The following CNMD variants were observed in gnomAD, a reference collection of about 807,000 sequenced individuals.
CNMD encodes the protein chondromodulin.
In CNMD, 30 loss-of-function variants were observed where a neutral mutation model predicts 37.5. That is an observed-to-expected ratio of 0.80 (90% CI 0.60 to 1.09). The LOEUF (loss-of-function observed/expected upper bound fraction) is 1.09, where lower values mean the gene tolerates loss of function less well. Among genes scored for constraint, CNMD ranks in the 50% least tolerant of loss-of-function variants. The probability of loss-of-function intolerance (pLI) is 0.00; values close to 1 mark genes in which losing one functional copy is unlikely to be tolerated. For synonymous variants in CNMD, 167 were observed against 148.2 expected (o/e 1.13, Z -0.92); for missense variants, 398 against 423.9 (o/e 0.94, Z 0.54).
In CNMD at chr13:52,703,529, T is replaced by G. The variant is rs1964120046; in HGVS notation, c.*66A>C. 1 of 1,165,744 alleles carries G rather than the reference T, an allele frequency of 8.6e-7. No homozygotes were observed. The highest frequency in any genetic ancestry group is 1.3e-6 in the Non-Finnish European group (1 of 785,826). The allele number at this position is 1,165,744 out of a possible 1,614,324, so 72.2% of individuals were successfully genotyped here. A position where few individuals can be genotyped will look rare whatever the true frequency, so the allele number is the denominator to read the frequency against. On this transcript the variant is annotated 3_prime_UTR_variant, in exon 7 of 7. Coordinates refer to ENST00000377962, the MANE Select transcript of CNMD (RefSeq NM_007015.3). ...GTGGTCCTATCAGCATCAACCTGCC[T>G]TAATGCTTCTTTGGTTGTCTCTTCA...
intron 3 of CNMD, among the ~76,000 whole-genome samples, chr13:52,731,271 T>C (rs1566230920): frequency 6.6e-6 from 1 of 152,226 alleles, no homozygotes; most frequent in African/African-American, 2.4e-5. Flanking sequence ...CCTCCTGAAC[T>C]GAACTGAAGG....
Position 52,739,261 on chromosome 13 carries a change from A to G in CNMD, c.73-90T>C. On this transcript the variant is annotated intron_variant, in intron 1 of 6. Transcript: ENST00000377962. This position sits in a 1 kb window ranked among gnomAD's most constrained non-coding sequence, Gnocchi z 5.4. The stretch of plus-strand genomic sequence containing the variant: ...ACCCGGGCCCCACGCGGTAGCCCCC[A>G]GGGAGTGGGGAGTCGGGCGGGAAAC... The G allele has an allele frequency of 4.4e-6, 6 of 1,377,522 alleles. No individual in the cohort carries two copies. Among genetic ancestry groups the G allele is most frequent in the Non-Finnish European group, 4.7e-6 (5 of 1,057,626 alleles). The allele number at this position is 1,377,522 out of a possible 1,614,324, so 85.3% of individuals were successfully genotyped here. A position where few individuals can be genotyped will look rare whatever the true frequency, so the allele number is the denominator to read the frequency against.
At chr13:52,725,108 T>C (rs1311927228) in intron 3 of CNMD, among the ~76,000 whole-genome samples, 1 of 152,196 alleles carries the variant, frequency 6.6e-6, no homozygotes, top group African/African-American at 2.4e-5. Context: ...ACCTTCTCCA[T>C]GCAGCCTTCT....
chr13:52,710,185 A>C (rs1207877690), intron 5 of CNMD, among the ~76,000 whole-genome samples: 1 of 152,174 alleles, frequency 6.6e-6, no homozygotes, highest in East Asian at 1.9e-4. Flanking sequence ...ATTTAGGAGA[A>C]CTAAGATGTG....
At chr13:52,717,862 G>A (rs1051290481) in intron 4 of CNMD, among the ~76,000 whole-genome samples, 1 of 152,192 alleles carries the variant, frequency 6.6e-6, no homozygotes, top group African/African-American at 2.4e-5. Context: ...CTCATAAAAT[G>A]AGTTAGAGAG....
At chr13:52,737,938 G>A (rs1341608153) in intron 2 of CNMD, among the ~76,000 whole-genome samples, 9 of 152,156 alleles carry the variant, frequency 5.9e-5, no homozygotes, top group Non-Finnish European at 1.2e-4. Flanking sequence ...AAACAGACTC[G>A]GTGCTAAATG....
chr13:52,716,547 G>A (rs746120496), intron 4 of CNMD, among the ~76,000 whole-genome samples: 2 of 152,104 alleles, frequency 1.3e-5, no homozygotes, highest in Non-Finnish European at 2.9e-5. Flanking sequence ...AAGGGGTCCG[G>A]TTTCAGTTTT....
chr13:52,735,369 G>GT (rs5803608), intron 2 of CNMD, among the ~76,000 whole-genome samples: 2 of 151,858 alleles, frequency 1.3e-5, no homozygotes, highest in East Asian at 1.9e-4. Flanking sequence ...GAGGTTCTGT[G>GT]TTTTTTTTTA....
At chr13:52,712,265 A>T (rs1201978131) in intron 5 of CNMD, among the ~76,000 whole-genome samples, 3 of 152,238 alleles carry the variant, frequency 2.0e-5, no homozygotes, top group Non-Finnish European at 4.4e-5. Context: ...ACTTGAGAGG[A>T]ATCTCAGCCA....
At chr13:52,703,831 A>G (rs1399143185) in intron 6 of CNMD, 21 bp from the exon 7 acceptor site, 2 of 1,597,042 alleles carry the variant, frequency 1.3e-6, no homozygotes, top group East Asian at 4.5e-5. Context: ...AAAGATAATT[A>G]TTTGTGATAA....
rs528591921 is a variant in CNMD at position 52,739,165 on chromosome 13, C to T, written c.79G>A (p.Ala27Thr). 15 of 1,495,892 alleles carry T rather than the reference C, an allele frequency of 1.0e-5. No individual in the cohort carries two copies. The South Asian group carries it at 1.3e-4, about 13-fold the overall frequency. The allele number at this position is 1,495,892 out of a possible 1,614,324, so 92.7% of individuals were successfully genotyped here. ...DVEFCSPPAY[A>T]TLTVKPSSPA... Reference sequence around the variant, plus strand: ...CTGGAGGGCTTCACCGTCAGCGTAGCGTACGCCTGCGGGCCGGGGCGGGAG... The same window carrying T: ...CTGGAGGGCTTCACCGTCAGCGTAGTGTACGCCTGCGGGCCGGGGCGGGAG... The change falls in exon 2 of 7, where the codon GCT becomes ACT. Residue 27 changes from alanine (A) to threonine (T), a missense_variant. Transcript: ENST00000377962. The surrounding 1 kb of genome is among the most constrained non-coding windows in gnomAD (Gnocchi z 5.4).
chr13:52,731,766 C>A (rs1964674862), intron 3 of CNMD, among the ~76,000 whole-genome samples: 1 of 152,200 alleles, frequency 6.6e-6, no homozygotes, highest in African/African-American at 2.4e-5. Context: ...TTGTGGCACA[C>A]CACAGGCATT....
At chr13:52,708,357 A>G (rs888337757) in intron 6 of CNMD, among the ~76,000 whole-genome samples, 179 bp downstream of exon 6, 1 of 151,816 alleles carries the variant, frequency 6.6e-6, no homozygotes, top group Non-Finnish European at 1.5e-5. Context: ...AATTTTTTGT[A>G]TCTTTAGTAG....
chr13:52,716,977 T>C (rs1185511730), intron 4 of CNMD, among the ~76,000 whole-genome samples: 1 of 152,226 alleles, frequency 6.6e-6, no homozygotes, highest in Non-Finnish European at 1.5e-5. Context: ...TTCACATCCA[T>C]GAGCATGGAA....
At chr13:52,735,480 A>G (rs1964741403) in intron 2 of CNMD, among the ~76,000 whole-genome samples, 1 of 152,140 alleles carries the variant, frequency 6.6e-6, no homozygotes, top group Non-Finnish European at 1.5e-5. Flanking sequence ...AGGTTGTCAC[A>G]CTAGAAGAGT....
In CNMD at chr13:52,739,432, C is replaced by A; in HGVS notation, c.72+198G>T. ...GCACCCTCTACCGGCCACGGGACGT[C>A]CCTCCGCACCCGCCTGTGGATGCCG... On this transcript the variant is annotated intron_variant, in intron 1 of 6. Coordinates refer to ENST00000377962, the MANE Select transcript of CNMD (RefSeq NM_007015.3). This position sits in a 1 kb window ranked among gnomAD's most constrained non-coding sequence, Gnocchi z 5.4. 1 of 663,770 alleles carries A rather than the reference C, an allele frequency of 1.5e-6. No homozygotes were observed. The allele number at this position is 663,770 out of a possible 1,614,324, so 41.1% of individuals were successfully genotyped here. A position where few individuals can be genotyped will look rare whatever the true frequency, so the allele number is the denominator to read the frequency against.
intron 3 of CNMD, among the ~76,000 whole-genome samples, chr13:52,730,604 G>T (rs1450278760): frequency 1.3e-5 from 2 of 151,874 alleles, no homozygotes; most frequent in Non-Finnish European, 2.9e-5. Flanking sequence ...TGTGTTTTTT[G>T]GCTGCATAAA....
intron 5 of CNMD, among the ~76,000 whole-genome samples, chr13:52,709,136 G>T (rs557370301): frequency 6.6e-6 from 1 of 152,318 alleles, no homozygotes; most frequent in South Asian, 2.1e-4. Context: ...TGCTTTCTCG[G>T]TAAAAGGGGA....
At chr13:52,705,704 C>T (rs1964163117) in intron 6 of CNMD, among the ~76,000 whole-genome samples, 1 of 152,058 alleles carries the variant, frequency 6.6e-6, no homozygotes, top group South Asian at 2.1e-4. Context: ...AATGCTTTAA[C>T]CATTTCTGCT....
Sources: gnomAD v4.1 joint callset for allele counts (sites outside exome capture counted in the v4.1 genomes callset) on GRCh38, gnomAD v4.1.1 for gene constraint, Gnocchi (gnomAD v3.1) non-coding constraint, MANE v1.5 for transcripts, NCBI Gene and HGNC (gene_info 2026-07-23, HGNC 2026-07-21) for gene names.